PCDHGB7: variants seen among roughly 807,000 people sequenced by gnomAD.
PCDHGB7 encodes protocadherin gamma subfamily B, 7.
Under a neutral mutation model 61.4 loss-of-function variants are expected in PCDHGB7, and 37 were observed. The ratio of observed to expected loss-of-function variants is 0.60; its 90% CI spans 0.46 to 0.79. The LOEUF is 0.79. Ranked by LOEUF, PCDHGB7 falls within the 30% of genes least tolerant of loss-of-function variation. PCDHGB7 has a pLI of 0.00. For missense variants in PCDHGB7, 1,166 were observed against 1,202.5 expected (o/e 0.97, Z 0.45); for synonymous variants, 464 against 503.5 (o/e 0.92, Z 1.05).
intron 1 of PCDHGB7, among the ~76,000 whole-genome samples, chr5:141,444,062 A>G (rs1335403906): frequency 6.7e-6 from 1 of 149,402 alleles, no homozygotes; most frequent in African/African-American, 2.5e-5. Context: ...TTCAATCTAG[A>G]TTCTGATGCT....
chr5:141,431,537 C>A lies in PCDHGB7; in HGVS notation c.2415+11263C>A, dbSNP rs2097391571. On this transcript the variant is annotated intron_variant, in intron 1 of 3. Transcript: ENST00000398594. This position sits in a 1 kb window ranked among gnomAD's most constrained non-coding sequence, Gnocchi z 4.8. ...TCCGGAGAATCTGGCCTTGGGCACG[C>A]AGCTGCTTGTAGTCAACGCTACCGA... 6.2e-7 allele frequency: 1 copy of A among 1,614,102 alleles called. No individual in the cohort carries two copies. The highest frequency in any genetic ancestry group is 1.3e-5 in the African/African-American group (1 of 75,072).
chr5:141,480,607 C>T (rs2099522175), intron 1 of PCDHGB7, among the ~76,000 whole-genome samples: 1 of 145,670 alleles, frequency 6.9e-6, no homozygotes, highest in Admixed American at 6.8e-5. Context: ...GCCTGGAAAG[C>T]AACTGGCATT....
chr5:141,451,205 C>G (rs1023049434), intron 1 of PCDHGB7, among the ~76,000 whole-genome samples: 2 of 152,142 alleles, frequency 1.3e-5, no homozygotes, highest in African/African-American at 4.8e-5. Flanking sequence ...TATCCCAAAA[C>G]TTAGTGGCTT....
At chr5:141,433,257 G>C (rs764036349) in intron 1 of PCDHGB7, 3 of 1,385,416 alleles carry the variant, frequency 2.2e-6, no homozygotes, top group Non-Finnish European at 3.0e-6. Flanking sequence ...GCAGCGGTAC[G>C]ATCATAGCTC....
At chr5:141,430,837 C>G (rs1350348914) in intron 1 of PCDHGB7, 1 of 1,560,074 alleles carries the variant, frequency 6.4e-7, no homozygotes, top group Non-Finnish European at 8.6e-7. Context: ...TGTGGGAGAC[C>G]GGATGCACCC....
chr5:141,495,642 C>T (rs1294293252), intron 2 of PCDHGB7, among the ~76,000 whole-genome samples: 1 of 152,208 alleles, frequency 6.6e-6, no homozygotes. Flanking sequence ...TTTCATTTGT[C>T]TACTTGCATT....
Position 141,477,464 on chromosome 5 carries a change from A to G in PCDHGB7, c.2416-17343A>G. The G allele has an allele frequency of 1.2e-6, 2 of 1,614,188 alleles. No homozygotes were observed. The highest frequency in any genetic ancestry group is 1.7e-6 in the Non-Finnish European group (2 of 1,180,034). On this transcript the variant is annotated intron_variant, in intron 1 of 3. Coordinates refer to ENST00000398594, the MANE Select transcript of PCDHGB7 (RefSeq NM_018927.4). This position sits in a 1 kb window ranked among gnomAD's most constrained non-coding sequence, Gnocchi z 4.9. ...AATAGTGCGTGTTCAAGTGTCCGAC[A>G]TCAATGACAACCCTCCACAATCTTC...
In PCDHGB7 at chr5:141,434,333, G is replaced by A. The variant is rs200059384; in HGVS notation, c.2415+14059G>A. On this transcript the variant is annotated intron_variant, in intron 1 of 3. Coordinates refer to ENST00000398594, the MANE Select transcript of PCDHGB7 (RefSeq NM_018927.4). The stretch of plus-strand genomic sequence containing the variant: ...TCTTCCTCTTGCTGCTTGTCTCTTT[G>A]TGTCGGGAACAGGCCCCCCAAAATC... Among the ~76,000 whole-genome samples, 23 of 152,220 alleles carry A rather than the reference G, an allele frequency of 1.5e-4. No individual in the cohort carries two copies. In the East Asian group the frequency reaches 4.3e-3, roughly 28 times the overall value.
In PCDHGB7 at chr5:141,432,845, G is replaced by A. The variant is rs1299464282; in HGVS notation, c.2415+12571G>A. The A allele has an allele frequency of 1.2e-6, 2 of 1,614,076 alleles. No individual in the cohort carries two copies. The highest frequency in any genetic ancestry group is 8.5e-7 in the Non-Finnish European group (1 of 1,180,024). ...AGACCTCACTCTGTACCTGGTGGTA[G>A]CGGTGGCCGCGGTCTCCTGCGTCTT... On this transcript the variant is annotated intron_variant, in intron 1 of 3. Coordinates refer to ENST00000398594, the MANE Select transcript of PCDHGB7 (RefSeq NM_018927.4). This position sits in a 1 kb window ranked among gnomAD's most constrained non-coding sequence, Gnocchi z 6.0.
intron 2 of PCDHGB7, among the ~76,000 whole-genome samples, chr5:141,499,102 C>T (rs1172661012): frequency 1.3e-5 from 2 of 152,170 alleles, no homozygotes; most frequent in Admixed American, 6.5e-5. Context: ...TGCTTCTCCT[C>T]CCCACCACTA....
intron 1 of PCDHGB7, chr5:141,423,851 C>A (rs1311833319): frequency 2.4e-6 from 3 of 1,275,940 alleles, no homozygotes; most frequent in East Asian, 3.1e-5. Context: ...TCTTTCAGAA[C>A]GTTTTTGTGA....
intron 1 of PCDHGB7, among the ~76,000 whole-genome samples, chr5:141,447,165 G>T (rs1192617600): frequency 6.6e-6 from 1 of 151,842 alleles, no homozygotes; most frequent in African/African-American, 2.4e-5. Flanking sequence ...TTTAAGCGGG[G>T]TCTTGCTCTT....
intron 1 of PCDHGB7, among the ~76,000 whole-genome samples, chr5:141,450,888 G>A (rs1038570371): frequency 6.9e-5 from 10 of 145,278 alleles, no homozygotes; most frequent in Admixed American, 4.1e-4. Context: ...GCAGTGGTGC[G>A]ATATCGGCTC....
chr5:141,489,625 A>G lies in PCDHGB7; in HGVS notation c.2416-5182A>G. ...GGTAGAGATCCTGGATCTCAATGAC[A>G]ACTCTCCTAGCTTTGCCACCCCTGA... On this transcript the variant is annotated intron_variant, in intron 1 of 3. Transcript: ENST00000398594. The surrounding 1 kb of genome is among the most constrained non-coding windows in gnomAD (Gnocchi z 4.5). 6.2e-7 allele frequency: 1 copy of G among 1,614,076 alleles called. No homozygotes were observed. The highest frequency in any genetic ancestry group is 8.5e-7 in the Non-Finnish European group (1 of 1,180,006).
chr5:141,485,654 G>A lies in PCDHGB7; in HGVS notation c.2416-9153G>A, dbSNP rs2099617203. 6.2e-7 allele frequency: 1 copy of A among 1,612,482 alleles called. No individual in the cohort carries two copies. The highest frequency in any genetic ancestry group is 8.5e-7 in the Non-Finnish European group (1 of 1,178,842). On this transcript the variant is annotated intron_variant, in intron 1 of 3. Coordinates refer to ENST00000398594, the MANE Select transcript of PCDHGB7 (RefSeq NM_018927.4). The surrounding 1 kb of genome is among the most constrained non-coding windows in gnomAD (Gnocchi z 5.7). ...CCCGTTGGAAAAGGCTCAGGATGCA[G>A]ATGTGGGGAGCAATTCGATTAGCAG... is the stretch of plus-strand genomic sequence containing the variant.
chr5:141,497,736 G>A (rs1437670417), intron 2 of PCDHGB7, among the ~76,000 whole-genome samples: 6 of 151,962 alleles, frequency 3.9e-5, no homozygotes, highest in Admixed American at 1.3e-4. Flanking sequence ...GATGGGTTTC[G>A]CCACGTTGGC....
chr5:141,423,594 C>A, intron 1 of PCDHGB7: 1 of 1,599,308 alleles, frequency 6.3e-7, no homozygotes, highest in South Asian at 1.1e-5. Context: ...GTGAGAAAAG[C>A]GAGCCACTCT....
At position 141,512,430 on chromosome 5, in the gene PCDHGB7, CT is replaced by C. The variant is rs1357890225; in HGVS notation, c.*1258del. The C allele has an allele frequency of 1.3e-5, 2 of 152,824 alleles. No homozygotes were observed. Among genetic ancestry groups the C allele is most frequent in the Non-Finnish European group, 2.9e-5 (2 of 68,158 alleles). 9.5% of individuals were successfully genotyped at this position (152,824 alleles called of 1,614,324 possible). On this transcript the variant is annotated 3_prime_UTR_variant, in exon 4 of 4. Coordinates refer to ENST00000398594, the MANE Select transcript of PCDHGB7 (RefSeq NM_018927.4). ...CTTCTTCAACAGGGCCCCTGCCCTCCTGAAGCCTCAGTCCTTCACCTTGCCA... is the reference window on the plus strand; with the variant it reads ...CTTCTTCAACAGGGCCCCTGCCCTCCGAAGCCTCAGTCCTTCACCTTGCCA...
intron 1 of PCDHGB7, chr5:141,421,469 G>C (rs767500900): frequency 2.5e-6 from 4 of 1,614,122 alleles, no homozygotes; most frequent in Non-Finnish European, 3.4e-6. Context: ...GTGAATCCGC[G>C]AAGCGGCAGC....
Sources: allele counts gnomAD v4.1 joint callset (sites outside exome capture counted in the v4.1 genomes callset), GRCh38; gene constraint gnomAD v4.1.1; non-coding constraint Gnocchi (gnomAD v3.1); transcripts MANE v1.5; gene names NCBI Gene and HGNC (gene_info 2026-07-23, HGNC 2026-07-21).